ERV3-1: variants seen among roughly 807,000 people sequenced by gnomAD.
The protein encoded by ERV3-1 is endogenous retrovirus group 3 member 1, envelope.
A neutral mutation model predicts 24.6 loss-of-function variants in ERV3-1; 36 were observed. That is an observed-to-expected ratio of 1.47 (90% CI 1.12 to 1.94). The LOEUF is 1.94. Ranked by LOEUF, ERV3-1 falls within the 30% of genes most tolerant of loss-of-function variation. The pLI is 0.00. For synonymous variants in ERV3-1, 211 were observed against 122.6 expected (o/e 1.72, Z -4.76); for missense variants, 578 against 330.9 (o/e 1.75, Z -5.79).
intron 1 of ERV3-1, among the ~76,000 whole-genome samples, chr7:65,002,214 G>T (rs1584070491): frequency 6.6e-6 from 1 of 152,082 alleles, no homozygotes; most frequent in Non-Finnish European, 1.5e-5. Context: ...TGACTTAGAT[G>T]GTGCTCTCTT....
At chr7:65,003,150 T>A (rs1786560173) in intron 1 of ERV3-1, among the ~76,000 whole-genome samples, 3 of 152,252 alleles carry the variant, frequency 2.0e-5, no homozygotes, top group African/African-American at 7.2e-5. Context: ...GGCTGGGACA[T>A]CTGCAGGGAA....
chr7:65,003,772 G>T (rs1786573204), intron 1 of ERV3-1: 1 of 152,140 alleles, frequency 6.6e-6, no homozygotes, highest in Non-Finnish European at 1.5e-5. Flanking sequence ...TCATATGGGA[G>T]CACTTCTAGG....
rs569815593 is a variant in ERV3-1 at position 64,999,093 on chromosome 7, C to T, written c.-388-5679G>A. Among the ~76,000 whole-genome samples, 330 of 152,240 alleles carry T rather than the reference C, an allele frequency of 2.2e-3. 1 individual carries two copies. Among genetic ancestry groups the T allele is most frequent in the Non-Finnish European group, 4.0e-3 (270 of 68,004 alleles). On this transcript the variant is annotated intron_variant, in intron 1 of 1. Coordinates refer to ENST00000394323, the MANE Select transcript of ERV3-1 (RefSeq NM_001007253.4). ...AGGCTCCCCTTCCATCCTTATGGGA[C>T]GGGTCCTGCCTTGGGCCCAAACCTT...
At chr7:64,997,671 T>G (rs542539756) in intron 1 of ERV3-1, among the ~76,000 whole-genome samples, 2 of 152,276 alleles carry the variant, frequency 1.3e-5, no homozygotes, top group African/African-American at 4.8e-5. Flanking sequence ...TGGTGCATTG[T>G]GTTCCAGCCA....
intron 1 of ERV3-1, chr7:65,005,041 C>T (rs548032469): frequency 8.2e-4 from 126 of 153,600 alleles, no homozygotes; most frequent in Non-Finnish European, 1.6e-3. Flanking sequence ...ACAATCTTAA[C>T]TTCTCTAAGG....
chr7:65,006,601 T>G lies in ERV3-1; in HGVS notation c.-449A>C, dbSNP rs1584074435. On this transcript the variant is annotated 5_prime_UTR_variant, in exon 1 of 2. Transcript: ENST00000394323. ...CTGTGGATCTCCCAATACCTGCAGG[T>G]AACGAGGCCACAGAAGCTGGGCCTC... 3.8e-6 allele frequency: 6 copies of G among 1,562,498 alleles called. No homozygotes were observed. Among genetic ancestry groups the G allele is most frequent in the Non-Finnish European group, 4.4e-6 (5 of 1,135,146 alleles).
In ERV3-1 at chr7:64,991,429, A is replaced by G. The variant is rs1786262112; in HGVS notation, c.1598T>C (p.Leu533Ser). The part of the protein sequence containing the change: ...EIITNETAGA[L>S]NLLAQQATKM... ...TGTGGCTTGCTGGGCAAGCAGATTCAAGGCCCCTGCAGTTTCATTGGTAAT... is the reference window on the plus strand; with the variant it reads ...TGTGGCTTGCTGGGCAAGCAGATTCGAGGCCCCTGCAGTTTCATTGGTAAT... The change falls in exon 2 of 2, where the codon TTG becomes TCG. Residue 533 changes from leucine (L) to serine (S), a missense_variant. Transcript: ENST00000394323. 1.4e-6 allele frequency: 1 copy of G among 704,076 alleles called. No individual in the cohort carries two copies. Among genetic ancestry groups the G allele is most frequent in the Non-Finnish European group, 2.6e-6 (1 of 384,954 alleles). 43.6% of individuals were successfully genotyped at this position (704,076 alleles called of 1,614,324 possible). A position where few individuals can be genotyped will look rare whatever the true frequency, so the allele number is the denominator to read the frequency against.
Position 64,992,295 on chromosome 7 carries a change from C to T in ERV3-1, c.732G>A (p.Arg244=), listed in dbSNP as rs1018313169. ...CTCGGAACTGTTGGGTTGAGCGGGT[C>T]CGAGTTTTCTTTATGATATATAGAT... is the stretch of plus-strand genomic sequence containing the variant. ...YVYLYIIKKT[R]TRSTQQFRVF... The change falls in exon 2 of 2, where the codon CGG becomes CGA. Residue 244 remains arginine, a synonymous_variant. Transcript: ENST00000394323. The T allele has an allele frequency of 1.3e-6, 1 of 766,176 alleles. No homozygotes were observed. The highest frequency in any genetic ancestry group is 1.7e-5 in the African/African-American group (1 of 59,154). The allele number at this position is 766,176 out of a possible 1,614,324, so 47.5% of individuals were successfully genotyped here.
chr7:64,994,073 T>C (rs549638145), intron 1 of ERV3-1, among the ~76,000 whole-genome samples: 28 of 152,210 alleles, frequency 1.8e-4, no homozygotes, highest in African/African-American at 6.0e-4. Context: ...AGACAAGTAC[T>C]AACATGTACC....
At chr7:65,003,955 T>C (rs561143779) in intron 1 of ERV3-1, 1 of 152,316 alleles carries the variant, frequency 6.6e-6, no homozygotes, top group Non-Finnish European at 1.5e-5. Flanking sequence ...AATGTATTCA[T>C]TTTCTACAGC....
At position 65,001,581 on chromosome 7, in the gene ERV3-1, T is replaced by A. The variant is rs575867257; in HGVS notation, c.-389+4960A>T. 5.9e-5 allele frequency among the ~76,000 whole-genome samples: 9 copies of A among 152,238 alleles called. No individual in the cohort carries two copies. The South Asian group carries it at 1.7e-3, about 28-fold the overall frequency. ...GGAAAAGGAGGTCTGCTATAAGAGCTCCTTTCCTCTAAGTTTTCAGTCCTC... is the reference window on the plus strand; with the variant it reads ...GGAAAAGGAGGTCTGCTATAAGAGCACCTTTCCTCTAAGTTTTCAGTCCTC... On this transcript the variant is annotated intron_variant, in intron 1 of 1. Coordinates refer to ENST00000394323, the MANE Select transcript of ERV3-1 (RefSeq NM_001007253.4).
Position 64,992,291 on chromosome 7 carries a change from G to A in ERV3-1, c.736C>T (p.Arg246Cys), listed in dbSNP as rs373567172. The A allele has an allele frequency of 2.2e-5, 17 of 766,110 alleles. No homozygotes were observed. The highest frequency in any genetic ancestry group is 4.0e-5 in the South Asian group (3 of 74,618). 47.5% of individuals were successfully genotyped at this position (766,110 alleles called of 1,614,324 possible). A position where few individuals can be genotyped will look rare whatever the true frequency, so the allele number is the denominator to read the frequency against. ...YLYIIKKTRT[R>C]STQQFRVFES... The stretch of plus-strand genomic sequence containing the variant: ...AAAACTCGGAACTGTTGGGTTGAGC[G>A]GGTCCGAGTTTTCTTTATGATATAT... Residue 246 changes from arginine to cysteine, a missense_variant, in exon 2 of 2, where the codon CGC (arginine) becomes TGC (cysteine). Arg to Cys is a radical substitution (Grantham distance 180). Transcript: ENST00000394323.
chr7:65,004,871 T>TTTTTGA (rs1786606368), intron 1 of ERV3-1: 2 of 57,968 alleles, frequency 3.5e-5, no homozygotes. Flanking sequence ...AGGTTTGATT[T>TTTTTGA]TTTTTTTTTT....
chr7:64,997,207 G>A (rs1425650065), intron 1 of ERV3-1, among the ~76,000 whole-genome samples: 1 of 152,152 alleles, frequency 6.6e-6, no homozygotes, highest in Non-Finnish European at 1.5e-5. Context: ...CTAGCAGATC[G>A]GCCTTTTTCT....
chr7:64,994,612 C>T (rs1310442202), intron 1 of ERV3-1, among the ~76,000 whole-genome samples: 1 of 152,162 alleles, frequency 6.6e-6, no homozygotes, highest in Non-Finnish European at 1.5e-5. Flanking sequence ...ATAGCTGCTA[C>T]TTTCTCTGGG....
intron 1 of ERV3-1, chr7:65,003,545 G>GGGTC (rs1265346164): frequency 6.6e-6 from 1 of 152,136 alleles, no homozygotes; most frequent in Non-Finnish European, 1.5e-5. Flanking sequence ...CATTAGCTTG[G>GGGTC]GGTCACTGGG....
In ERV3-1 at chr7:64,991,413, C is replaced by G. The variant is rs146735658; in HGVS notation, c.1614G>C (p.Gln538His). Residue 538 changes from glutamine (Q) to histidine (H), a missense_variant, in exon 2 of 2, where the codon CAG (glutamine) becomes CAC (histidine). Coordinates refer to ENST00000394323, the MANE Select transcript of ERV3-1 (RefSeq NM_001007253.4). ...TGACATTTCTCATTTTTGTGGCTTG[C>G]TGGGCAAGCAGATTCAAGGCCCCTG... ...ETAGALNLLAQQATKMRNVIY... is the reference protein window; with the variant it reads ...ETAGALNLLAHQATKMRNVIY... 2.3e-3 allele frequency: 1,631 copies of G among 703,856 alleles called. 13 individuals are homozygous for G. The highest frequency in any genetic ancestry group is 0.02 in the African/African-American group (1,144 of 57,340). The allele number at this position is 703,856 out of a possible 1,614,324, so 43.6% of individuals were successfully genotyped here. A position where few individuals can be genotyped will look rare whatever the true frequency, so the allele number is the denominator to read the frequency against.
rs1786305644 is a variant in ERV3-1, at chr7:64,992,667, G to A, written c.360C>T (p.Tyr120=). The change falls in exon 2 of 2, where the codon TAC becomes TAT. Residue 120 remains tyrosine (Y), a synonymous_variant. Transcript: ENST00000394323. The part of the protein sequence containing the change: ...FPSGKDVVSL[Y]FDVCQIVSMG... ...TGGATACTATCTGGCAAACATCAAA[G>A]TATAAGGATACGACATCCTTGCCAG... is the stretch of plus-strand genomic sequence containing the variant. 1 of 766,188 alleles carries A rather than the reference G, an allele frequency of 1.3e-6. No homozygotes were observed. The highest frequency in any genetic ancestry group is 2.4e-6 in the Non-Finnish European group (1 of 417,888). 47.5% of individuals were successfully genotyped at this position (766,188 alleles called of 1,614,324 possible). A position where few individuals can be genotyped will look rare whatever the true frequency, so the allele number is the denominator to read the frequency against.
At position 65,003,625 on chromosome 7, in the gene ERV3-1, T is replaced by G. The variant is rs988286748; in HGVS notation, c.-389+2916A>C. The G allele has an allele frequency of 5.9e-5, 9 of 152,348 alleles. No individual in the cohort carries two copies. The East Asian group carries it at 1.7e-3, about 29-fold the overall frequency. 9.4% of individuals were successfully genotyped at this position (152,348 alleles called of 1,614,324 possible). A position where few individuals can be genotyped will look rare whatever the true frequency, so the allele number is the denominator to read the frequency against. On this transcript the variant is annotated intron_variant, in intron 1 of 1. Transcript: ENST00000394323. ...AAACTGAAAAATTCAGAAAAATTACTCAAACACATTGTTTATATAAGGGAA... is the reference window on the plus strand; with the variant it reads ...AAACTGAAAAATTCAGAAAAATTACGCAAACACATTGTTTATATAAGGGAA...
Sources: gnomAD v4.1 joint callset for allele counts (sites outside exome capture counted in the v4.1 genomes callset) on GRCh38, gnomAD v4.1.1 for gene constraint, MANE v1.5 for transcripts, NCBI Gene and HGNC (gene_info 2026-07-23, HGNC 2026-07-21) for gene names.